The following UST variants were observed in gnomAD, a reference collection of about 807,000 sequenced individuals.
UST encodes the protein chondroitin sulfate 2-O-sulfotransferase.
In UST, 21 loss-of-function variants were observed where a neutral mutation model predicts 45.6. The observed-to-expected ratio is 0.46, with a 90% CI of 0.33 to 0.66. UST has a LOEUF of 0.66. Ranked by LOEUF, UST falls within the 30% of genes least tolerant of loss-of-function variation. The pLI, the probability that UST is intolerant of heterozygous loss-of-function variation, is 0.02. For synonymous variants in UST, 215 were observed against 200.6 expected (o/e 1.07, Z -0.61); for missense variants, 463 against 512.4 (o/e 0.90, Z 0.93).
At chr6:149,031,023 AT>A (rs1181738752) in intron 7 of UST, among the ~76,000 whole-genome samples, 4 of 152,134 alleles carry the variant, frequency 2.6e-5, no homozygotes, top group African/African-American at 9.7e-5. Flanking sequence ...CCTGGCCAAC[AT>A]GGTGAAACCC....
chr6:148,901,182 A>G (rs1779249306), intron 2 of UST, among the ~76,000 whole-genome samples: 1 of 152,190 alleles, frequency 6.6e-6, no homozygotes, highest in Admixed American at 6.5e-5. Flanking sequence ...AGCCTCCAGT[A>G]GCTTCTCAAG....
intron 1 of UST, among the ~76,000 whole-genome samples, chr6:148,838,361 T>G (rs1777828916): frequency 6.6e-6 from 1 of 152,074 alleles, no homozygotes; most frequent in Admixed American, 6.6e-5. Context: ...AGGAAGTGGG[T>G]CCAGATCAGC....
At chr6:148,801,105 C>G (rs776197301) in intron 1 of UST, among the ~76,000 whole-genome samples, 14 of 152,088 alleles carry the variant, frequency 9.2e-5, no homozygotes, top group Non-Finnish European at 1.8e-4. Flanking sequence ...TCAGCTTAGT[C>G]TCTTGGAAGT....
At chr6:148,933,735 A>C (rs1298312204) in intron 2 of UST, among the ~76,000 whole-genome samples, 2 of 152,216 alleles carry the variant, frequency 1.3e-5, no homozygotes, top group African/African-American at 4.8e-5. Context: ...GGCCAGTGAG[A>C]ATCACTGCCG....
At chr6:149,010,236 G>C in intron 5 of UST, among the ~76,000 whole-genome samples, 1 of 152,290 alleles carries the variant, frequency 6.6e-6, no homozygotes, top group African/African-American at 2.4e-5. Context: ...CAACCAGTTT[G>C]TCTGTTAGCC....
intron 1 of UST, among the ~76,000 whole-genome samples, chr6:148,802,363 A>G (rs1183748197): frequency 1.3e-5 from 2 of 152,240 alleles, no homozygotes. Context: ...ACCATCTGCC[A>G]TATTTTTGAA....
At chr6:148,813,744 A>G (rs1339312617) in intron 1 of UST, among the ~76,000 whole-genome samples, 1 of 152,238 alleles carries the variant, frequency 6.6e-6, no homozygotes, top group Admixed American at 6.5e-5. Flanking sequence ...TTCACCATTT[A>G]TGCTGAATTT....
chr6:148,885,166 T>C (rs958303205), intron 1 of UST, among the ~76,000 whole-genome samples: 3 of 152,164 alleles, frequency 2.0e-5, no homozygotes, highest in Non-Finnish European at 1.5e-5. Flanking sequence ...TCAGTTCTTA[T>C]GGAAAATTTA....
chr6:148,751,458 G>A (rs1775990021), intron 1 of UST, among the ~76,000 whole-genome samples: 1 of 152,138 alleles, frequency 6.6e-6, no homozygotes, highest in Admixed American at 6.5e-5. Context: ...CACTGATGAT[G>A]CTTTCTCTTC....
At chr6:148,954,634 T>C (rs974408636) in intron 4 of UST, among the ~76,000 whole-genome samples, 3 of 152,172 alleles carry the variant, frequency 2.0e-5, no homozygotes, top group Non-Finnish European at 4.4e-5. Context: ...TCGAGGTTTG[T>C]GTATGTACTC....
intron 5 of UST, among the ~76,000 whole-genome samples, chr6:148,984,043 AT>A (rs1436151903): frequency 6.6e-6 from 1 of 152,178 alleles, no homozygotes; most frequent in Non-Finnish European, 1.5e-5. Flanking sequence ...TGGGTCTGGC[AT>A]TTTGTTACCA....
At chr6:148,870,028 G>T in intron 1 of UST, among the ~76,000 whole-genome samples, 1 of 151,654 alleles carries the variant, frequency 6.6e-6, no homozygotes, top group East Asian at 1.9e-4. Flanking sequence ...AAGTCACCAA[G>T]GCCTACTTAG....
chr6:148,951,418 G>A (rs1780362118), intron 3 of UST, among the ~76,000 whole-genome samples: 1 of 152,160 alleles, frequency 6.6e-6, no homozygotes, highest in South Asian at 2.1e-4. Context: ...TCTTATTCGT[G>A]TTTTTATCTC....
intron 1 of UST, among the ~76,000 whole-genome samples, chr6:148,886,121 G>C (rs527941379): frequency 1.3e-5 from 2 of 152,314 alleles, no homozygotes; most frequent in African/African-American, 4.8e-5. Context: ...GAGATGGCAG[G>C]AAGGACTCTA....
chr6:148,922,520 G>A (rs1265580328), intron 2 of UST, among the ~76,000 whole-genome samples: 3 of 141,480 alleles, frequency 2.1e-5, no homozygotes, highest in Non-Finnish European at 3.0e-5. Flanking sequence ...TCGGAGTCTC[G>A]CTCTGTCCCC....
intron 1 of UST, among the ~76,000 whole-genome samples, chr6:148,777,688 G>A (rs1230703372): frequency 6.6e-6 from 1 of 152,136 alleles, no homozygotes; most frequent in African/African-American, 2.4e-5. Flanking sequence ...GGGATTATGG[G>A]CACCTGCCAC....
At chr6:149,035,766 T>A (rs1446342080) in intron 7 of UST, among the ~76,000 whole-genome samples, 1 of 148,116 alleles carries the variant, frequency 6.8e-6, no homozygotes, top group Admixed American at 6.7e-5. Context: ...ACCCCATCTT[T>A]AAAAAAAAAA....
intron 1 of UST, among the ~76,000 whole-genome samples, chr6:148,779,419 A>G (rs903633542): frequency 2.0e-5 from 3 of 152,158 alleles, no homozygotes; most frequent in African/African-American, 7.2e-5. Context: ...GAAATCTCCA[A>G]CTCTGGGGAA....
chr6:148,848,280 T>C (rs1196234240), intron 1 of UST, among the ~76,000 whole-genome samples: 1 of 152,160 alleles, frequency 6.6e-6, no homozygotes, highest in Non-Finnish European at 1.5e-5. Context: ...GCCCTGACCA[T>C]GGTATAGTTA....
Sources: allele counts gnomAD v4.1 joint callset (sites outside exome capture counted in the v4.1 genomes callset), GRCh38; gene constraint gnomAD v4.1.1; transcripts MANE v1.5; gene names NCBI Gene and HGNC (gene_info 2026-07-23, HGNC 2026-07-21).